ABCC5: variants seen among roughly 807,000 people sequenced by gnomAD.
The protein encoded by ABCC5 is ATP binding cassette subfamily C member 5, also known as ATP-binding cassette sub-family C member 5.
A neutral mutation model predicts 160.9 loss-of-function variants in ABCC5; 61 were observed. The observed-to-expected ratio is 0.38, with a 90% CI of 0.31 to 0.47. The LOEUF (loss-of-function observed/expected upper bound fraction) is 0.47. Among genes scored for constraint, ABCC5 ranks in the 20% least tolerant of loss-of-function variants. The pLI, the probability that ABCC5 is intolerant of heterozygous loss-of-function variation, is 0.99. For synonymous variants in ABCC5, 666 were observed against 700.6 expected (o/e 0.95, Z 0.78); for missense variants, 1,308 against 1,813.3 (o/e 0.72, Z 5.06).
At chr3:183,977,756 C>A in intron 9 of ABCC5, 132 bp from the exon 10 acceptor site, 1 of 609,890 alleles carries the variant, frequency 1.6e-6, no homozygotes, top group Non-Finnish European at 2.8e-6. Flanking sequence ...AAGTCAATTA[C>A]ATTTTTTTTT....
chr3:184,007,839 C>G (rs1409813114), intron 2 of ABCC5, among the ~76,000 whole-genome samples: 1 of 151,908 alleles, frequency 6.6e-6, no homozygotes, highest in Admixed American at 6.6e-5. Flanking sequence ...AAACAAAAAA[C>G]AAAAAACAAA....
intron 10 of ABCC5, among the ~76,000 whole-genome samples, chr3:183,975,374 C>A (rs1180142382): frequency 6.6e-6 from 1 of 151,962 alleles, no homozygotes; most frequent in African/African-American, 2.4e-5. Context: ...CAGAGTCTCG[C>A]TGTGTTGCCC....
At chr3:184,000,151 G>A (rs1472478322) in intron 2 of ABCC5, among the ~76,000 whole-genome samples, 2 of 151,802 alleles carry the variant, frequency 1.3e-5, no homozygotes, top group African/African-American at 4.8e-5. Context: ...TTGAGCCTAG[G>A]AGCTTGAGAC....
Position 183,959,821 on chromosome 3 carries a change from C to T in ABCC5, c.2394G>A (p.Lys798=). 1 of 1,608,876 alleles carries T rather than the reference C, an allele frequency of 6.2e-7. No homozygotes were observed. The highest frequency in any genetic ancestry group is 8.5e-7 in the Non-Finnish European group (1 of 1,177,752). The part of the protein sequence containing the change: ...ETPPVEINSK[K]ETSGSQKKSQ... Reference sequence around the variant, plus strand: ...ACTTCTTCTGTGAACCACTGGTTTCCTTTTTTGAATTGATCTAATAATATT... The same window carrying T: ...ACTTCTTCTGTGAACCACTGGTTTCTTTTTTTGAATTGATCTAATAATATT... Residue 798 remains lysine, a synonymous_variant, in exon 17 of 30, where the codon AAG becomes AAA. Transcript: ENST00000334444.
intron 17 of ABCC5, among the ~76,000 whole-genome samples, chr3:183,958,019 A>G (rs753680511): frequency 1.8e-4 from 27 of 150,768 alleles, no homozygotes; most frequent in Non-Finnish European, 2.8e-4. Flanking sequence ...TGTGTACATC[A>G]CATCGGTTAC....
chr3:183,999,922 C>T (rs2108895071), intron 2 of ABCC5, among the ~76,000 whole-genome samples: 1 of 152,210 alleles, frequency 6.6e-6, no homozygotes, highest in South Asian at 2.1e-4. Flanking sequence ...ATATAGCATA[C>T]TTAGTCCAGC....
intron 1 of ABCC5, among the ~76,000 whole-genome samples, chr3:184,016,024 T>G (rs1175371104): frequency 6.6e-6 from 1 of 152,206 alleles, no homozygotes; most frequent in African/African-American, 2.4e-5. Context: ...TCATCCACAA[T>G]ATGAAATGCC....
chr3:183,989,304 C>G lies in ABCC5; in HGVS notation c.209G>C (p.Arg70Thr). 1 of 1,613,932 alleles carries G rather than the reference C, an allele frequency of 6.2e-7. No individual in the cohort carries two copies. The highest frequency in any genetic ancestry group is 8.5e-7 in the Non-Finnish European group (1 of 1,179,932). Reference protein sequence around the residue: ...SLDASMHSQLRILDEEHPKGK... With the variant: ...SLDASMHSQLTILDEEHPKGK... ...CTTGGGATGCTCCTCATCCAGGATT[C>G]TGAGCTGAGAATGCATGGAGGCATC... Residue 70 changes from arginine (R) to threonine (T), a missense_variant, in exon 3 of 30, where the codon AGA becomes ACA. Arg to Thr is a moderately conservative substitution (Grantham distance 71). Coordinates refer to ENST00000334444, the MANE Select transcript of ABCC5 (RefSeq NM_005688.4).
chr3:183,920,792 C>G lies in ABCC5; in HGVS notation c.*508G>C, dbSNP rs1711900862. ...GTCTTCCTTTGGACACCCAGAAAAC[C>G]TGGCACCGTGAAACCACCAGCTAGA... On this transcript the variant is annotated 3_prime_UTR_variant, in exon 30 of 30. Transcript: ENST00000334444. This position sits in a 1 kb window ranked among gnomAD's most constrained non-coding sequence, Gnocchi z 4.1. 6.6e-6 allele frequency: 1 copy of G among 152,502 alleles called. No homozygotes were observed. Among genetic ancestry groups the G allele is most frequent in the Non-Finnish European group, 1.5e-5 (1 of 68,112 alleles). The allele number at this position is 152,502 out of a possible 1,614,324, so 9.4% of individuals were successfully genotyped here. A position where few individuals can be genotyped will look rare whatever the true frequency, so the allele number is the denominator to read the frequency against.
At chr3:183,967,550 A>C in intron 12 of ABCC5, 145 bp downstream of exon 12, 3 of 699,666 alleles carry the variant, frequency 4.3e-6, no homozygotes, top group Non-Finnish European at 7.6e-6. Flanking sequence ...ACTGGGGGGA[A>C]CTGCGGGGGA....
At position 183,988,770 on chromosome 3, in the gene ABCC5, G is replaced by T. The variant is rs28365005; in HGVS notation, c.288-43C>A. On this transcript the variant is annotated intron_variant, in intron 3 of 29. Coordinates refer to ENST00000334444, the MANE Select transcript of ABCC5 (RefSeq NM_005688.4). This position sits in a 1 kb window ranked among gnomAD's most constrained non-coding sequence, Gnocchi z 4.4. ...AAATCACAAAGCTATCAACACGCAC[G>T]GAGAGGGCAGCCCGTGTTTAATGGA... 111 of 1,595,140 alleles carry T rather than the reference G, an allele frequency of 7.0e-5. No homozygotes were observed. The East Asian group carries it at 2.2e-3, about 32-fold the overall frequency.
At chr3:183,925,907 C>T (rs1197559794) in intron 28 of ABCC5, among the ~76,000 whole-genome samples, 188 bp from the exon 29 acceptor site, 2 of 147,272 alleles carry the variant, frequency 1.4e-5, no homozygotes, top group South Asian at 4.2e-4. Context: ...GGCGCAATCT[C>T]GGCTCACTGC....
chr3:183,928,473 T>C (rs1456144779), intron 27 of ABCC5, among the ~76,000 whole-genome samples: 1 of 152,240 alleles, frequency 6.6e-6, no homozygotes, highest in Non-Finnish European at 1.5e-5. Flanking sequence ...TTATGACTAA[T>C]AAATTAAAAG....
intron 10 of ABCC5, among the ~76,000 whole-genome samples, 177 bp downstream of exon 10, chr3:183,977,340 A>G (rs1718306296): frequency 6.6e-6 from 1 of 152,232 alleles, no homozygotes; most frequent in Non-Finnish European, 1.5e-5. Flanking sequence ...AAAAGGTGAC[A>G]AGTCTCATCC....
At chr3:184,007,015 G>GGTTT (rs1721269339) in intron 2 of ABCC5, among the ~76,000 whole-genome samples, 1 of 120,972 alleles carries the variant, frequency 8.3e-6, no homozygotes, top group Non-Finnish European at 1.7e-5. Flanking sequence ...GTTTACTTCT[G>GGTTT]CTTTTTTTTT....
At chr3:183,946,332 C>T (rs760276364) in intron 23 of ABCC5, among the ~76,000 whole-genome samples, 15 of 152,146 alleles carry the variant, frequency 9.9e-5, no homozygotes, top group Non-Finnish European at 1.3e-4. Flanking sequence ...AAAGTCAAAT[C>T]AGATACATAA....
At chr3:183,925,996 G>A (rs1182524305) in intron 28 of ABCC5, among the ~76,000 whole-genome samples, 18 of 150,602 alleles carry the variant, frequency 1.2e-4, no homozygotes, top group Non-Finnish European at 2.7e-4. Context: ...CCGCCACCAC[G>A]CCCAGCTAAT....
At chr3:183,955,407 G>T (rs1178151336) in intron 17 of ABCC5, among the ~76,000 whole-genome samples, 6 of 152,180 alleles carry the variant, frequency 3.9e-5, no homozygotes, top group African/African-American at 1.4e-4. Context: ...AAAGGCAGGG[G>T]AGTATAATAA....
Position 183,945,828 on chromosome 3 carries a change from A to G in ABCC5, c.3504+22T>C. ...ACTCCAAGAGGAGTCAGATCACGGT[A>G]AAAGGCCTACAGCAGTCTGACCTTA... On this transcript the variant is annotated intron_variant, in intron 24 of 29. Coordinates refer to ENST00000334444, the MANE Select transcript of ABCC5 (RefSeq NM_005688.4). The G allele has an allele frequency of 2.5e-6, 4 of 1,602,300 alleles. No homozygotes were observed. The South Asian group carries it at 4.4e-5, about 18-fold the overall frequency.
Sources: gnomAD v4.1 joint callset for allele counts (sites outside exome capture counted in the v4.1 genomes callset) on GRCh38, gnomAD v4.1.1 for gene constraint, Gnocchi (gnomAD v3.1) non-coding constraint, MANE v1.5 for transcripts, NCBI Gene and HGNC (gene_info 2026-07-23, HGNC 2026-07-21) for gene names.